MUC4: variants seen among roughly 807,000 people sequenced by gnomAD.
The protein encoded by MUC4 is mucin-4.
MUC4 carries 202 observed loss-of-function variants against 257.9 expected under a neutral mutation model. The observed-to-expected ratio is 0.78, with a 90% CI of 0.70 to 0.88. MUC4 has a LOEUF of 0.88. Ranked by LOEUF, MUC4 falls within the 40% of genes least tolerant of loss-of-function variation. MUC4 has a pLI of 0.00. For synonymous variants in MUC4, 2,351 were observed against 2,757.1 expected, an observed-to-expected ratio of 0.85 and a Z score of 4.62; for missense variants, 5,976 against 6,513.7, an observed-to-expected ratio of 0.92 and a Z score of 2.84.
At chr3:195,748,497 G>C (rs1715622326) in intron 24 of MUC4, among the ~76,000 whole-genome samples, 1 of 152,248 alleles carries the variant, frequency 6.6e-6, no homozygotes, top group Non-Finnish European at 1.5e-5. Flanking sequence ...GCGGGAGAAG[G>C]ACGTTGCAGT....
rs1719699596 is a variant in MUC4 at position 195,763,479 on chromosome 3, A to G, written c.14207T>C (p.Ile4736Thr). 1 of 1,506,996 alleles carries G rather than the reference A, an allele frequency of 6.6e-7. No homozygotes were observed. The highest frequency in any genetic ancestry group is 8.9e-7 in the Non-Finnish European group (1 of 1,120,992). The allele number at this position is 1,506,996 out of a possible 1,614,324, so 93.4% of individuals were successfully genotyped here. The change falls in exon 12 of 25, where the codon ATC becomes ACC. Residue 4736 changes from isoleucine (I) to threonine (T), a missense_variant. By Grantham distance (89) the Ile-to-Thr change is moderately conservative. Coordinates refer to ENST00000463781, the MANE Select transcript of MUC4 (RefSeq NM_018406.7). The part of the protein sequence containing the change: ...QTGSAQATNF[I>T]AFAAQYRSSS... Reference sequence around the variant, plus strand: ...GGAGCGGTACTGAGCCGCAAAGGCGATGAAGTTGGTGGCCTGGGCTGAGCC... The same window carrying G: ...GGAGCGGTACTGAGCCGCAAAGGCGGTGAAGTTGGTGGCCTGGGCTGAGCC...
intron 7 of MUC4, among the ~76,000 whole-genome samples, chr3:195,767,507 CCAT>C (rs1298560179): frequency 1.4e-5 from 2 of 140,722 alleles, no homozygotes; most frequent in Non-Finnish European, 1.5e-5. Flanking sequence ...ATCACCACCA[CCAT>C]CACCATCACC....
At chr3:195,811,003 G>T (rs193083865) in intron 1 of MUC4, among the ~76,000 whole-genome samples, 1 of 151,986 alleles carries the variant, frequency 6.6e-6, no homozygotes, top group Non-Finnish European at 1.5e-5. Context: ...ACATCGCCGG[G>T]CTGCTCTCTG....
intron 1 of MUC4, among the ~76,000 whole-genome samples, chr3:195,806,720 A>C (rs555551733): frequency 6.6e-6 from 1 of 152,236 alleles, no homozygotes; most frequent in African/African-American, 2.4e-5. Flanking sequence ...TGTGTGCTGC[A>C]GTGAGTCAGG....
In MUC4 at chr3:195,790,889, C is replaced by T. The variant is rs1452975937; in HGVS notation, c.691G>A (p.Val231Met). 4.3e-6 allele frequency: 7 copies of T among 1,613,976 alleles called. No individual in the cohort carries two copies. Among genetic ancestry groups the T allele is most frequent in the Middle Eastern group, 1.6e-4 (1 of 6,062 alleles). The change falls in exon 2 of 25, where the codon GTG becomes ATG. Residue 231 changes from valine to methionine, a missense_variant. Coordinates refer to ENST00000463781, the MANE Select transcript of MUC4 (RefSeq NM_018406.7). ...TPSFSPSVHN[V>M]TGTVSQKTSP... is the part of the protein sequence containing the mutation. ...GTCTTCTGAGAAACAGTCCCTGTCA[C>T]ATTGTGTACACTTGGAGAGAAAGAA...
chr3:195,791,067 T>A lies in MUC4; in HGVS notation c.513A>T (p.Ile171=). The change falls in exon 2 of 25, where the codon ATA becomes ATT. Residue 171 remains isoleucine, a synonymous_variant. Transcript: ENST00000463781. ...SSTPVTSAVS[I]TAGQEGQSRT... ...GTGATTGTCCTTCCTGTCCAGCTGT[T>A]ATTGAGACTGCTGAGGTCACTGGGG... 1 of 1,613,858 alleles carries A rather than the reference T, an allele frequency of 6.2e-7. No homozygotes were observed. Among genetic ancestry groups the A allele is most frequent in the Non-Finnish European group, 8.5e-7 (1 of 1,179,872 alleles).
At position 195,770,268 on chromosome 3, in the gene MUC4, A is replaced by G; in HGVS notation, c.13346T>C (p.Leu4449Pro). The change falls in exon 6 of 25, where the codon CTA becomes CCA. Residue 4449 changes from leucine to proline, a missense_variant. Physicochemically the swap from Leu to Pro is moderately conservative, Grantham distance 98. Transcript: ENST00000463781. The part of the protein sequence containing the change: ...NNGGYKARWA[L>P]KVTWVNAHAY... ...GTGGGCATTGACCCACGTGACCTTTAGGGCCCACCTGGCCTTGTAGCCCCC... is the reference window on the plus strand; with the variant it reads ...GTGGGCATTGACCCACGTGACCTTTGGGGCCCACCTGGCCTTGTAGCCCCC... 1 of 1,613,870 alleles carries G rather than the reference A, an allele frequency of 6.2e-7. No homozygotes were observed. The highest frequency in any genetic ancestry group is 1.1e-5 in the South Asian group (1 of 91,020).
rs201626852 is a variant in MUC4 at position 195,782,213 on chromosome 3, C to T, written c.9367G>A (p.Val3123Ile). The T allele has an allele frequency of 1.4e-6, 2 of 1,400,146 alleles. No homozygotes were observed. The highest frequency in any genetic ancestry group is 1.9e-6 in the Non-Finnish European group (2 of 1,058,164). 86.7% of individuals were successfully genotyped at this position (1,400,146 alleles called of 1,614,324 possible). A position where few individuals can be genotyped will look rare whatever the true frequency, so the allele number is the denominator to read the frequency against. ...GTGGATGCTGAGGAAGTGTCGGTGA[C>T]AGGAAGAGGGGTGGTGTGACCTGTG... ...ASTGHTTPLPVTDTSSASTGQ... is the reference protein window; with the variant it reads ...ASTGHTTPLPITDTSSASTGQ... The change falls in exon 2 of 25, where the codon GTC (valine) becomes ATC (isoleucine). Residue 3123 changes from valine to isoleucine, a missense_variant. Val to Ile is a conservative substitution (Grantham distance 29). Coordinates refer to ENST00000463781, the MANE Select transcript of MUC4 (RefSeq NM_018406.7).
In MUC4 at chr3:195,782,540, T is replaced by C. The variant is rs867034757; in HGVS notation, c.9040A>G (p.Thr3014Ala). The C allele has an allele frequency of 6.5e-5, 94 of 1,438,834 alleles. 2 individuals are homozygous for C. In the Admixed American group the frequency reaches 9.8e-4, roughly 15 times the overall value. The allele number at this position is 1,438,834 out of a possible 1,614,324, so 89.1% of individuals were successfully genotyped here. A position where few individuals can be genotyped will look rare whatever the true frequency, so the allele number is the denominator to read the frequency against. ...GHATSLPVTD[T>A]SSISTGHATP... ...GCGTGACCTGTGGATATTGAGGAAGTGTCGGTGACAGGAAGAGAGGTGGCG... is the reference window on the plus strand; with the variant it reads ...GCGTGACCTGTGGATATTGAGGAAGCGTCGGTGACAGGAAGAGAGGTGGCG... Residue 3014 changes from threonine (T) to alanine (A), a missense_variant, in exon 2 of 25, where the codon ACT becomes GCT. By Grantham distance (58) the Thr-to-Ala change is moderately conservative. Transcript: ENST00000463781.
intron 1 of MUC4, among the ~76,000 whole-genome samples, chr3:195,799,394 C>T (rs922838026): frequency 3.1e-4 from 47 of 152,150 alleles, no homozygotes; most frequent in African/African-American, 1.1e-3. Flanking sequence ...ACTGCAACCT[C>T]CACCTCCGTG....
chr3:195,772,162 T>G (rs1465471429), intron 4 of MUC4, among the ~76,000 whole-genome samples: 1 of 151,054 alleles, frequency 6.6e-6, no homozygotes, highest in Non-Finnish European at 1.5e-5. Flanking sequence ...GCTCAGGGAG[T>G]GGAACCCTCT....
rs770831208 is a variant in MUC4 at position 195,779,938 on chromosome 3, G to T, written c.11642C>A (p.Ala3881Asp). Residue 3881 changes from alanine to aspartate, a missense_variant, in exon 2 of 25, where the codon GCT becomes GAT. By Grantham distance (126) the Ala-to-Asp change is moderately radical (BLOSUM62 -2). This residue lies in a region of MUC4 where 330 missense variants were observed against 262.0 expected (regional missense o/e 1.26). Transcript: ENST00000463781. ...TPLPVTGLSSASTGDTTPLPV... is the reference protein window; with the variant it reads ...TPLPVTGLSSDSTGDTTPLPV... ...AAGAGGGGTGGTGTCACCTGTGGAA[G>T]CTGAGGAAAGGCCGGTAACAGGAAG... 1.6e-4 allele frequency: 231 copies of T among 1,438,314 alleles called. 25 individuals carry two copies. The highest frequency in any genetic ancestry group is 1.9e-4 in the Non-Finnish European group (207 of 1,091,858). 89.1% of individuals were successfully genotyped at this position (1,438,314 alleles called of 1,614,324 possible).
rs1725174971 is a variant in MUC4, at chr3:195,777,630, CCATACCTTCCACAGT to C, written c.12943+658_12943+672del. On this transcript the variant is annotated intron_variant, in intron 3 of 24. Coordinates refer to ENST00000463781, the MANE Select transcript of MUC4 (RefSeq NM_018406.7). ...CCTTCCACACCCATACCTTCCACACCCATACCTTCCACAGTCATACCTTCCACACCCATACCTTCC... is the reference window on the plus strand; with the variant it reads ...CCTTCCACACCCATACCTTCCACACCCATACCTTCCACACCCATACCTTCC... Among the ~76,000 whole-genome samples the C allele has an allele frequency of 9.1e-5, 10 of 109,710 alleles. 1 individual carries two copies. Among genetic ancestry groups the C allele is most frequent in the Non-Finnish European group, 1.6e-4 (9 of 55,182 alleles). The allele number at this position is 109,710 out of a possible 152,430, so 72.0% of individuals were successfully genotyped here.
rs867376056 is a variant in MUC4 at position 195,767,459 on chromosome 3, A to C, written c.13530-708T>G. On this transcript the variant is annotated intron_variant, in intron 7 of 24. Coordinates refer to ENST00000463781, the MANE Select transcript of MUC4 (RefSeq NM_018406.7). ...ATCACCATCACCACCACCACCACCA[A>C]CACTACCACCACCATCACCATCACC... Among the ~76,000 whole-genome samples, 201 of 68,562 alleles carry C rather than the reference A, an allele frequency of 2.9e-3. 1 individual carries two copies. Among genetic ancestry groups the C allele is most frequent in the African/African-American group, 7.3e-3 (150 of 20,584 alleles). The allele number at this position is 68,562 out of a possible 152,430, so 45.0% of individuals were successfully genotyped here.
chr3:195,805,848 G>C (rs962786866), intron 1 of MUC4, among the ~76,000 whole-genome samples: 3 of 151,512 alleles, frequency 2.0e-5, no homozygotes, highest in African/African-American at 7.3e-5. Flanking sequence ...GGGCGCAGTG[G>C]CTCACACTGG....
rs753215183 is a variant in MUC4 at position 195,760,881 on chromosome 3, T to G, written c.14848+3A>C. 1.4e-5 allele frequency: 23 copies of G among 1,613,652 alleles called. No homozygotes were observed. The highest frequency in any genetic ancestry group is 1.8e-5 in the Non-Finnish European group (21 of 1,179,924). On this transcript the variant is annotated splice_donor_region_variant and intron_variant, in intron 16 of 24. Transcript: ENST00000463781. Reference sequence around the variant, plus strand: ...AGGCCTCCCCAGGCCTCGGGCCACTTACTGAGGGTGGCGTTCGCCTGCTCG... The same window carrying G: ...AGGCCTCCCCAGGCCTCGGGCCACTGACTGAGGGTGGCGTTCGCCTGCTCG...
intron 3 of MUC4, among the ~76,000 whole-genome samples, chr3:195,775,573 A>G (rs868696975): frequency 5.9e-5 from 6 of 102,430 alleles, no homozygotes; most frequent in African/African-American, 2.7e-4. Flanking sequence ...TACCTTCCAC[A>G]CCCATACCTT....
chr3:195,750,498 C>T, intron 23 of MUC4: 1 of 309,714 alleles, frequency 3.2e-6, no homozygotes, highest in Non-Finnish European at 6.1e-6. Context: ...TTGCCTCTGT[C>T]CCTGGCCAGT....
At chr3:195,802,383 G>GCACCCCTGCTCTCAGCCTCCGCCA (rs1735445406) in intron 1 of MUC4, among the ~76,000 whole-genome samples, 1 of 150,194 alleles carries the variant, frequency 6.7e-6, no homozygotes, top group Non-Finnish European at 1.5e-5. Context: ...CTCGGGTTCC[G>GCACCCCTGCTCTCAGCCTCCGCCA]CACCCCTGCT....
Sources: gnomAD v4.1 joint callset for allele counts (sites outside exome capture counted in the v4.1 genomes callset) on GRCh38, gnomAD v4.1.1 for gene constraint, gnomAD v4.1.1 regional missense constraint, MANE v1.5 for transcripts, NCBI Gene and HGNC (gene_info 2026-07-23, HGNC 2026-07-21) for gene names.